Variants in TLK1 observed in about 807,000 individuals in gnomAD.
TLK1 encodes serine/threonine-protein kinase tousled-like 1.
TLK1 carries 24 observed loss-of-function variants against 105.3 expected under a neutral mutation model. The ratio of observed to expected loss-of-function variants is 0.23; its 90% CI spans 0.17 to 0.32. The LOEUF (loss-of-function observed/expected upper bound fraction) is 0.32. Ranked by LOEUF, TLK1 falls within the 10% of genes least tolerant of loss-of-function variation. The pLI is 1.00. For missense variants in TLK1, 558 were observed against 910.5 expected (o/e 0.61, Z 4.98); for synonymous variants, 321 against 310.4 (o/e 1.03, Z -0.36).
chr2:171,192,020 A>T (rs1693164581), intron 1 of TLK1, among the ~76,000 whole-genome samples: 2 of 152,144 alleles, frequency 1.3e-5, no homozygotes, highest in African/African-American at 2.4e-5. Flanking sequence ...TTTGCCCTAA[A>T]TAGATGAACA....
At chr2:171,037,533 G>A (rs569714636) in intron 11 of TLK1, among the ~76,000 whole-genome samples, 21 of 151,832 alleles carry the variant, frequency 1.4e-4, no homozygotes, top group African/African-American at 5.1e-4. Flanking sequence ...TGCAGATTAA[G>A]GAAGTATCTT....
Position 170,993,881 on chromosome 2 carries a change from G to A in TLK1, c.2200C>T (p.Leu734Phe), listed in dbSNP as rs1350397859. ...TTTGATCTTCTCATGTGTGGGAGAA[G>A]GTATGGGTCATTTGCCAGCTGGTGC... ...DVHQLANDPY[L>F]LPHMRRSNSS... Residue 734 changes from leucine to phenylalanine, a missense_variant, in exon 21 of 21, where the codon CTT (leucine) becomes TTT (phenylalanine). Leu to Phe is a conservative substitution (Grantham distance 22). This residue lies in a region of TLK1 where 218 missense variants were observed against 492.9 expected (regional missense o/e 0.44). Coordinates refer to ENST00000431350, the MANE Select transcript of TLK1 (RefSeq NM_012290.5). 5 of 1,612,670 alleles carry A rather than the reference G, an allele frequency of 3.1e-6. No homozygotes were observed. The South Asian group carries it at 5.5e-5, about 18-fold the overall frequency.
At chr2:171,182,257 A>G (rs1558982960) in intron 1 of TLK1, among the ~76,000 whole-genome samples, 1 of 152,230 alleles carries the variant, frequency 6.6e-6, no homozygotes, top group Non-Finnish European at 1.5e-5. Context: ...GAGGAAGAGA[A>G]TTTTACACGG....
chr2:171,028,455 T>C (rs1298968015), intron 11 of TLK1, 50 bp from the exon 12 acceptor site: 19 of 1,208,062 alleles, frequency 1.6e-5, no homozygotes, highest in Non-Finnish European at 2.2e-5. Flanking sequence ...ATACTTAGTT[T>C]ATTAACAACT....
chr2:171,087,174 C>T (rs1366747303), intron 2 of TLK1, among the ~76,000 whole-genome samples: 1 of 152,150 alleles, frequency 6.6e-6, no homozygotes, highest in Non-Finnish European at 1.5e-5. Context: ...GTGACCCATA[C>T]TCAAGAGGAA....
At chr2:171,067,952 C>T (rs1305165763) in intron 3 of TLK1, among the ~76,000 whole-genome samples, 1 of 152,162 alleles carries the variant, frequency 6.6e-6, no homozygotes, top group East Asian at 1.9e-4. Flanking sequence ...GACATGAACT[C>T]ATCCTTTTTT....
At chr2:171,172,272 G>A (rs898144311) in intron 1 of TLK1, among the ~76,000 whole-genome samples, 1 of 152,150 alleles carries the variant, frequency 6.6e-6, no homozygotes, top group African/African-American at 2.4e-5. Flanking sequence ...ATAGGAGGGA[G>A]GCTTCTGAGT....
At chr2:171,202,331 A>C (rs1166692157) in intron 1 of TLK1, among the ~76,000 whole-genome samples, 3 of 152,174 alleles carry the variant, frequency 2.0e-5, no homozygotes, top group Non-Finnish European at 4.4e-5. Context: ...GCATGCCTGT[A>C]ATCCCAGCTA....
chr2:171,055,041 T>A, intron 7 of TLK1, 42 bp downstream of exon 7: 3 of 1,212,052 alleles, frequency 2.5e-6, no homozygotes, highest in Non-Finnish European at 3.4e-6. Context: ...AGTCAATGGT[T>A]TCTTAGAAGC....
chr2:171,027,224 C>CCTT (rs1026296772), intron 12 of TLK1, among the ~76,000 whole-genome samples: 1 of 152,074 alleles, frequency 6.6e-6, no homozygotes, highest in Non-Finnish European at 1.5e-5. Context: ...GATACTATCT[C>CCTT]CAATTAGTTC....
chr2:171,181,846 G>C (rs531862409), intron 1 of TLK1, among the ~76,000 whole-genome samples: 3 of 150,702 alleles, frequency 2.0e-5, no homozygotes, highest in East Asian at 4.3e-4. Context: ...TTCAAACTAC[G>C]GCAGTCCTTC....
chr2:171,039,924 T>C (rs527991123), intron 11 of TLK1, among the ~76,000 whole-genome samples: 1 of 152,086 alleles, frequency 6.6e-6, no homozygotes, highest in South Asian at 2.1e-4. Flanking sequence ...GGCAGAAAAA[T>C]CTTGTGAGAG....
chr2:171,020,331 G>A (rs1161263956), intron 12 of TLK1, among the ~76,000 whole-genome samples: 3 of 151,996 alleles, frequency 2.0e-5, no homozygotes, highest in South Asian at 4.2e-4. Context: ...CATGAGGTCA[G>A]GAGTTTGAGA....
At chr2:171,170,204 C>T (rs1025271550) in intron 1 of TLK1, among the ~76,000 whole-genome samples, 11 of 151,922 alleles carry the variant, frequency 7.2e-5, no homozygotes, top group African/African-American at 2.7e-4. Context: ...GACAAAAAGA[C>T]TACAAAGAAA....
chr2:171,194,779 T>C (rs1193488841), intron 1 of TLK1, among the ~76,000 whole-genome samples: 1 of 137,698 alleles, frequency 7.3e-6, no homozygotes, highest in Non-Finnish European at 1.5e-5. Flanking sequence ...ATCGCGCCAC[T>C]GCACTCCAGC....
chr2:171,051,218 A>T (rs772643364), intron 8 of TLK1, among the ~76,000 whole-genome samples: 1 of 152,176 alleles, frequency 6.6e-6, no homozygotes, highest in Admixed American at 6.5e-5. Flanking sequence ...GCCAAAAAGA[A>T]GAAGAGGATA....
intron 2 of TLK1, 144 bp downstream of exon 2, chr2:171,117,595 C>T (rs1342684540): frequency 3.6e-5 from 23 of 647,646 alleles, no homozygotes; most frequent in Admixed American, 3.1e-4. Flanking sequence ...ACATTAAAAA[C>T]GCATTTATGA....
rs116558891 is a variant in TLK1, at chr2:171,038,447, T to A, written c.1169+7727A>T. ...TTTCTTCTTTTCTTACATACATAAC[T>A]AAAGCTATAATTTTCTCTCGATACT... On this transcript the variant is annotated intron_variant, in intron 11 of 20. Transcript: ENST00000431350. 3.5e-3 allele frequency among the ~76,000 whole-genome samples: 534 copies of A among 152,332 alleles called. 2 individuals carry two copies. The highest frequency in any genetic ancestry group is 6.0e-3 in the Non-Finnish European group (411 of 68,008).
At chr2:171,102,282 T>C (rs1406949073) in intron 2 of TLK1, among the ~76,000 whole-genome samples, 2 of 152,176 alleles carry the variant, frequency 1.3e-5, no homozygotes, top group African/African-American at 4.8e-5. Flanking sequence ...AGTTTCTCCT[T>C]CTTTCTGAGA....
Sources: gnomAD v4.1 joint callset for allele counts (sites outside exome capture counted in the v4.1 genomes callset) on GRCh38, gnomAD v4.1.1 for gene constraint, gnomAD v4.1.1 regional missense constraint, MANE v1.5 for transcripts, NCBI Gene and HGNC (gene_info 2026-07-23, HGNC 2026-07-21) for gene names.